Variants in CACNA1E observed in about 807,000 individuals in gnomAD.
The protein encoded by CACNA1E is calcium voltage-gated channel subunit alpha1 E.
In CACNA1E, 40 loss-of-function variants were observed where a neutral mutation model predicts 259.2. The observed-to-expected ratio is 0.15, with a 90% CI of 0.12 to 0.20. The LOEUF (loss-of-function observed/expected upper bound fraction) is 0.20. CACNA1E is among the 10% of genes least tolerant of loss of function. The pLI is 1.00. For synonymous variants in CACNA1E, 1,104 were observed against 1,138.5 expected, an observed-to-expected ratio of 0.97 and a Z score of 0.61; for missense variants, 1,874 against 3,040.1, an observed-to-expected ratio of 0.62 and a Z score of 9.02.
intron 7 of CACNA1E, among the ~76,000 whole-genome samples, chr1:181,698,631 G>A (rs1651941263): frequency 6.6e-6 from 1 of 151,968 alleles, no homozygotes; most frequent in African/African-American, 2.4e-5. Context: ...GAATCCTCAT[G>A]GAAAAGTGCA....
chr1:181,401,411 T>C (rs1198809884), intron 1 of CACNA1E, among the ~76,000 whole-genome samples: 1 of 152,222 alleles, frequency 6.6e-6, no homozygotes, highest in Non-Finnish European at 1.5e-5. Context: ...TCAAGGTTCA[T>C]GTTAGAATCT....
Position 181,737,643 on chromosome 1 carries a change from G to C in CACNA1E, c.3541G>C (p.Glu1181Gln). The C allele has an allele frequency of 1.2e-6, 2 of 1,613,846 alleles. No individual in the cohort carries two copies. The highest frequency in any genetic ancestry group is 1.7e-6 in the Non-Finnish European group (2 of 1,179,784). ...AGAGGACCCCGTCCTGACCAACTCGGAGCGCAACAAAGTGGGTACACAGGG... is the reference window on the plus strand; with the variant it reads ...AGAGGACCCCGTCCTGACCAACTCGCAGCGCAACAAAGTGGGTACACAGGG... The part of the protein sequence containing the change: ...AAEDPVLTNS[E>Q]RNKVLRYFDY... The change falls in exon 23 of 48, where the codon GAG (glutamate) becomes CAG (glutamine). Residue 1181 changes from glutamate to glutamine, a missense_variant. By Grantham distance (29) the Glu-to-Gln change is conservative. Coordinates refer to ENST00000367573, the MANE Select transcript of CACNA1E (RefSeq NM_001205293.3).
At chr1:181,487,982 AG>A (rs1663993396) in intron 1 of CACNA1E, among the ~76,000 whole-genome samples, 1 of 152,222 alleles carries the variant, frequency 6.6e-6, no homozygotes, top group African/African-American at 2.4e-5. Context: ...GAGATAATGA[AG>A]CTCATCACAA....
intron 1 of CACNA1E, among the ~76,000 whole-genome samples, chr1:181,321,017 G>A (rs1246752469): frequency 2.0e-5 from 3 of 152,208 alleles, no homozygotes; most frequent in Non-Finnish European, 4.4e-5. Context: ...GGAAAGGGAA[G>A]GGGAGCTGGT....
At chr1:181,343,803 C>T (rs1172883325) in intron 1 of CACNA1E, among the ~76,000 whole-genome samples, 1 of 152,100 alleles carries the variant, frequency 6.6e-6, no homozygotes, top group Non-Finnish European at 1.5e-5. Context: ...CCTGGTGATG[C>T]CCTGTCTCCT....
intron 1 of CACNA1E, among the ~76,000 whole-genome samples, chr1:181,365,254 A>G (rs1265604228): frequency 6.6e-6 from 1 of 151,900 alleles, no homozygotes; most frequent in African/African-American, 2.4e-5. Context: ...TGCTGCCTCA[A>G]CCTCCCAGGC....
chr1:181,639,777 G>C (rs1572456222), intron 6 of CACNA1E, among the ~76,000 whole-genome samples: 1 of 152,226 alleles, frequency 6.6e-6, no homozygotes, highest in Non-Finnish European at 1.5e-5. Flanking sequence ...TTTGGAATGA[G>C]CTTTGTGTAT....
chr1:181,544,539 A>G (rs1293226287), intron 3 of CACNA1E, among the ~76,000 whole-genome samples: 1 of 152,264 alleles, frequency 6.6e-6, no homozygotes, highest in Non-Finnish European at 1.5e-5. Context: ...ATCCAATTGC[A>G]GTATACGTTT....
At chr1:181,594,587 G>A (rs1165534713) in intron 6 of CACNA1E, among the ~76,000 whole-genome samples, 2 of 152,086 alleles carry the variant, frequency 1.3e-5, no homozygotes, top group Non-Finnish European at 1.5e-5. Context: ...TAATAGAGAC[G>A]GGGTTTCGCC....
In CACNA1E at chr1:181,570,029, C is replaced by CA. The variant is rs140317436; in HGVS notation, c.513-7736dup. 5.6e-3 allele frequency among the ~76,000 whole-genome samples: 848 copies of CA among 152,274 alleles called. 11 individuals are homozygous for CA. Among genetic ancestry groups the CA allele is most frequent in the African/African-American group, 0.02 (817 of 41,542 alleles). ...CACCATCAGGGCAGGTGTTGGCTCA[C>CA]AGAGTTAGAGCCAGGAGGGGTCTGA... is the stretch of plus-strand genomic sequence containing the variant. On this transcript the variant is annotated intron_variant, in intron 3 of 47. Transcript: ENST00000367573.
At chr1:181,669,361 C>T (rs535866206) in intron 7 of CACNA1E, among the ~76,000 whole-genome samples, 29 of 152,278 alleles carry the variant, frequency 1.9e-4, no homozygotes, top group South Asian at 4.2e-4. Flanking sequence ...CCTGGCCACA[C>T]GGCTCACTGT....
intron 6 of CACNA1E, among the ~76,000 whole-genome samples, chr1:181,629,385 A>G (rs1478079748): frequency 6.6e-6 from 1 of 152,202 alleles, no homozygotes; most frequent in Non-Finnish European, 1.5e-5. Context: ...TCTATCAAAT[A>G]CACTTGTGGA....
chr1:181,611,459 T>C lies in CACNA1E; in HGVS notation c.951+30683T>C, dbSNP rs187568405. ...TGAGTGCTTACCTCTAATCAGAGAA[T>C]GAAAAACCTTGTCAATTATCAAAAG... On this transcript the variant is annotated intron_variant, in intron 6 of 47. Coordinates refer to ENST00000367573, the MANE Select transcript of CACNA1E (RefSeq NM_001205293.3). Among the ~76,000 whole-genome samples the C allele has an allele frequency of 8.6e-4, 131 of 152,096 alleles. 2 individuals carry two copies. The highest frequency in any genetic ancestry group is 3.4e-3 in the Middle Eastern group (1 of 294).
intron 3 of CACNA1E, among the ~76,000 whole-genome samples, chr1:181,556,382 A>C (rs1352039228): frequency 2.0e-5 from 3 of 152,236 alleles, no homozygotes; most frequent in African/African-American, 4.8e-5. Context: ...TTTCCACAAC[A>C]ACCCCCTCTA....
chr1:181,788,871 ATTTC>A (rs1489619033), intron 43 of CACNA1E, among the ~76,000 whole-genome samples: 1 of 152,170 alleles, frequency 6.6e-6, no homozygotes, highest in East Asian at 1.9e-4. Context: ...AAAGGAACCC[ATTTC>A]TTTCTTTCTG....
chr1:181,630,946 C>T (rs1029467512), intron 6 of CACNA1E, among the ~76,000 whole-genome samples: 2 of 152,106 alleles, frequency 1.3e-5, no homozygotes, highest in African/African-American at 4.8e-5. Flanking sequence ...TTTTCTGACC[C>T]TGACCTAATT....
chr1:181,769,348 G>T (rs1659291032), intron 35 of CACNA1E, among the ~76,000 whole-genome samples: 1 of 105,720 alleles, frequency 9.5e-6, no homozygotes. Context: ...TAAGTGAAAA[G>T]TTGAAAAAAA....
intron 18 of CACNA1E, among the ~76,000 whole-genome samples, chr1:181,728,867 A>G (rs1333334946): frequency 7.4e-6 from 1 of 135,698 alleles, no homozygotes; most frequent in Non-Finnish European, 1.6e-5. Context: ...GTGTGTGTGC[A>G]TTTTGCTCGG....
chr1:181,360,267 A>G (rs531985701), intron 1 of CACNA1E, among the ~76,000 whole-genome samples: 84 of 152,338 alleles, frequency 5.5e-4, no homozygotes, highest in African/African-American at 2.0e-3. Flanking sequence ...CAAAGAACCA[A>G]TAACATATAA....
Sources: allele counts gnomAD v4.1 joint callset (sites outside exome capture counted in the v4.1 genomes callset), GRCh38; gene constraint gnomAD v4.1.1; transcripts MANE v1.5; gene names NCBI Gene and HGNC (gene_info 2026-07-23, HGNC 2026-07-21).